SPOCK1: variants seen among roughly 807,000 people sequenced by gnomAD.
SPOCK1 encodes testican-1.
A neutral mutation model predicts 55.3 loss-of-function variants in SPOCK1; 23 were observed. That is an observed-to-expected ratio of 0.42 (90% CI 0.30 to 0.59). The LOEUF (loss-of-function observed/expected upper bound fraction) is 0.59. Ranked by LOEUF, SPOCK1 falls within the 20% of genes least tolerant of loss-of-function variation. The pLI is 0.22. For missense variants in SPOCK1, 499 were observed against 552.5 expected, an observed-to-expected ratio of 0.90 and a Z score of 0.97; for synonymous variants, 226 against 221.0, an observed-to-expected ratio of 1.02 and a Z score of -0.20.
Position 137,462,531 on chromosome 5 carries a change from C to T in SPOCK1, c.186+35842G>A, listed in dbSNP as rs139616373. ...ACTGCCAGGCTTGGAACCCCAGCTC[C>T]GCCACTTCTCATCTGTATGACCCAG... is the stretch of plus-strand genomic sequence containing the variant. On this transcript the variant is annotated intron_variant, in intron 2 of 10. Transcript: ENST00000394945. Among the ~76,000 whole-genome samples the T allele has an allele frequency of 3.3e-5, 5 of 152,288 alleles. No individual in the cohort carries two copies. In the East Asian group the frequency reaches 5.8e-4, roughly 18 times the overall value.
At chr5:137,151,505 C>T (rs1754318492) in intron 3 of SPOCK1, among the ~76,000 whole-genome samples, 1 of 152,094 alleles carries the variant, frequency 6.6e-6, no homozygotes, top group Non-Finnish European at 1.5e-5. Context: ...TTTAAAGGGT[C>T]CTAGAATGAA....
rs1372604952 is a variant in SPOCK1, at chr5:137,067,844, C to T, written c.475-15G>A. On this transcript the variant is annotated splice_polypyrimidine_tract_variant and intron_variant, in intron 5 of 10. Transcript: ENST00000394945. ...TCCAATTTGCACTGCAAAAGAGAGA[C>T]ACAACAGGTCTTAAGAATGCAGCCA... 14 of 1,605,274 alleles carry T rather than the reference C, an allele frequency of 8.7e-6. No homozygotes were observed. Among genetic ancestry groups the T allele is most frequent in the Non-Finnish European group, 1.2e-5 (14 of 1,171,946 alleles).
intron 2 of SPOCK1, among the ~76,000 whole-genome samples, chr5:137,302,766 C>T (rs185338638): frequency 6.6e-6 from 1 of 152,106 alleles, no homozygotes; most frequent in Non-Finnish European, 1.5e-5. Context: ...ACTCTGCATC[C>T]ACGAGGACTT....
chr5:137,448,295 TA>T (rs1426196840), intron 2 of SPOCK1, among the ~76,000 whole-genome samples: 2 of 152,192 alleles, frequency 1.3e-5, no homozygotes, highest in African/African-American at 4.8e-5. Context: ...CACTCGCTGT[TA>T]TCTCAGTAAG....
chr5:137,027,496 G>A (rs571735089), intron 6 of SPOCK1, among the ~76,000 whole-genome samples: 1 of 152,290 alleles, frequency 6.6e-6, no homozygotes, highest in Non-Finnish European at 1.5e-5. Context: ...GTCTGATGTG[G>A]CAGCCATTAA....
intron 5 of SPOCK1, among the ~76,000 whole-genome samples, chr5:137,071,620 C>A (rs73790685): frequency 0.01 from 1,581 of 152,232 alleles, 32 homozygotes; most frequent in African/African-American, 0.036. Flanking sequence ...TTATAGGCTC[C>A]TATGGAGGTG....
intron 7 of SPOCK1, among the ~76,000 whole-genome samples, chr5:136,990,076 A>AT (rs915687647): frequency 1.3e-5 from 2 of 151,762 alleles, no homozygotes; most frequent in African/African-American, 4.8e-5. Flanking sequence ...TGCCCAGCTA[A>AT]TTTTTTTGTA....
intron 6 of SPOCK1, among the ~76,000 whole-genome samples, chr5:137,020,224 CA>C (rs1159620481): frequency 6.6e-6 from 1 of 151,054 alleles, no homozygotes; most frequent in African/African-American, 2.4e-5. Flanking sequence ...TTGCTGTTAC[CA>C]GACAACCAAG....
At chr5:137,207,854 T>C (rs1755546517) in intron 3 of SPOCK1, among the ~76,000 whole-genome samples, 1 of 152,196 alleles carries the variant, frequency 6.6e-6, no homozygotes, top group African/African-American at 2.4e-5. Flanking sequence ...TATTTTTAAT[T>C]AGTATCATAC....
intron 8 of SPOCK1, among the ~76,000 whole-genome samples, chr5:136,985,985 G>A (rs1051217005): frequency 6.6e-6 from 1 of 152,030 alleles, no homozygotes; most frequent in East Asian, 1.9e-4. Flanking sequence ...TCTTATCTTT[G>A]GCTGATACTG....
chr5:137,164,944 C>T (rs975346760), intron 3 of SPOCK1, among the ~76,000 whole-genome samples: 1 of 152,164 alleles, frequency 6.6e-6, no homozygotes, highest in Non-Finnish European at 1.5e-5. Context: ...GACTGTAGTC[C>T]CTGGCTCCCA....
At chr5:137,141,192 C>T (rs1477667965) in intron 3 of SPOCK1, among the ~76,000 whole-genome samples, 2 of 152,236 alleles carry the variant, frequency 1.3e-5, no homozygotes, top group Non-Finnish European at 2.9e-5. Flanking sequence ...GTCTATCACA[C>T]ATTCTTCCTC....
intron 2 of SPOCK1, among the ~76,000 whole-genome samples, chr5:137,421,517 C>T (rs1432274002): frequency 6.6e-6 from 1 of 152,176 alleles, no homozygotes; most frequent in African/African-American, 2.4e-5. Flanking sequence ...GTAGTTAGCT[C>T]TTCTTGTTGA....
intron 2 of SPOCK1, among the ~76,000 whole-genome samples, chr5:137,311,121 T>C (rs1347052495): frequency 6.6e-6 from 1 of 152,188 alleles, no homozygotes; most frequent in African/African-American, 2.4e-5. Context: ...GTAGAGCCTC[T>C]GAGTGTTGGT....
At chr5:137,351,860 A>G (rs1750687308) in intron 2 of SPOCK1, among the ~76,000 whole-genome samples, 1 of 152,210 alleles carries the variant, frequency 6.6e-6, no homozygotes, top group South Asian at 2.1e-4. Flanking sequence ...AAATTAAAGG[A>G]TGGGCATGTA....
intron 2 of SPOCK1, among the ~76,000 whole-genome samples, chr5:137,467,042 G>A (rs1245517329): frequency 1.3e-5 from 2 of 152,232 alleles, no homozygotes; most frequent in African/African-American, 4.8e-5. Context: ...GAGAGCCTCA[G>A]CTCCTCGCTG....
intron 3 of SPOCK1, among the ~76,000 whole-genome samples, chr5:137,217,455 G>A (rs946203237): frequency 8.5e-5 from 13 of 152,076 alleles, no homozygotes; most frequent in Non-Finnish European, 1.6e-4. Flanking sequence ...CACAGCCTCC[G>A]TTTCCCATCT....
At chr5:137,355,698 G>A (rs1177014436) in intron 2 of SPOCK1, among the ~76,000 whole-genome samples, 1 of 152,082 alleles carries the variant, frequency 6.6e-6, no homozygotes, top group Admixed American at 6.5e-5. Flanking sequence ...TCAAGGACCT[G>A]AGCCGTTCCA....
chr5:137,476,785 C>A (rs1753845693), intron 2 of SPOCK1, among the ~76,000 whole-genome samples: 1 of 152,090 alleles, frequency 6.6e-6, no homozygotes, highest in Non-Finnish European at 1.5e-5. Context: ...ATCAGCCAGG[C>A]ATGGAGGCAG....
Sources: gnomAD v4.1 joint callset for allele counts (sites outside exome capture counted in the v4.1 genomes callset) on GRCh38, gnomAD v4.1.1 for gene constraint, MANE v1.5 for transcripts, NCBI Gene and HGNC (gene_info 2026-07-23, HGNC 2026-07-21) for gene names.